BCAR3: variants seen among roughly 807,000 people sequenced by gnomAD.
The protein encoded by BCAR3 is breast cancer anti-estrogen resistance protein 3.
A neutral mutation model predicts 80.1 loss-of-function variants in BCAR3; 37 were observed. The ratio of observed to expected loss-of-function variants is 0.46; its 90% CI spans 0.36 to 0.61. BCAR3 has a LOEUF of 0.61. Ranked by LOEUF, BCAR3 falls within the 20% of genes least tolerant of loss-of-function variation. The probability of loss-of-function intolerance (pLI) is 0.00; values close to 1 mark genes in which losing one functional copy is unlikely to be tolerated. For missense variants in BCAR3, 978 were observed against 1,068.2 expected, an observed-to-expected ratio of 0.92 and a Z score of 1.18; for synonymous variants, 389 against 418.9, an observed-to-expected ratio of 0.93 and a Z score of 0.87.
intron 7 of BCAR3, among the ~76,000 whole-genome samples, chr1:93,578,544 C>T (rs1275236455): frequency 6.6e-6 from 1 of 152,192 alleles, no homozygotes; most frequent in Non-Finnish European, 1.5e-5. Flanking sequence ...CTGCAAGATG[C>T]TTTTGGTGTT....
chr1:93,816,348 C>T (rs1654014294), intron 2 of BCAR3, among the ~76,000 whole-genome samples: 1 of 152,132 alleles, frequency 6.6e-6, no homozygotes, highest in African/African-American at 2.4e-5. Context: ...GCTTTGCTTT[C>T]ATTGGTGAAT....
intron 1 of BCAR3, among the ~76,000 whole-genome samples, chr1:93,676,939 T>G (rs1648514539): frequency 6.6e-6 from 1 of 152,234 alleles, no homozygotes; most frequent in Non-Finnish European, 1.5e-5. Flanking sequence ...TACTTAGACT[T>G]CAAGATTGTC....
chr1:93,639,378 G>A (rs1038520297), intron 3 of BCAR3, among the ~76,000 whole-genome samples: 1 of 152,066 alleles, frequency 6.6e-6, no homozygotes, highest in Non-Finnish European at 1.5e-5. Context: ...CCAGACCCAA[G>A]GAGGCAGGAG....
intron 2 of BCAR3, among the ~76,000 whole-genome samples, chr1:93,804,615 G>A (rs1454734201): frequency 2.0e-5 from 3 of 152,144 alleles, no homozygotes; most frequent in Non-Finnish European, 4.4e-5. Context: ...GACAGAGTTG[G>A]CCAGCATGAG....
chr1:93,827,020 G>C (rs758877583), intron 2 of BCAR3, among the ~76,000 whole-genome samples: 1 of 152,174 alleles, frequency 6.6e-6, no homozygotes, highest in African/African-American at 2.4e-5. Context: ...GGCAGTGCCA[G>C]CTCCAGAAAG....
chr1:93,706,014 A>C lies in BCAR3; in HGVS notation c.-12+78T>G, dbSNP rs1363303950. 2.0e-5 allele frequency: 3 copies of C among 152,200 alleles called. No individual in the cohort carries two copies. In the East Asian group the frequency reaches 5.8e-4, roughly 29 times the overall value. The allele number at this position is 152,200 out of a possible 1,614,324, so 9.4% of individuals were successfully genotyped here. A position where few individuals can be genotyped will look rare whatever the true frequency, so the allele number is the denominator to read the frequency against. ...AGAAGTCACTTTGTAGGCTGGATCAACACCACCCCACAGCTCCAGCTGCAG... is the reference window on the plus strand; with the variant it reads ...AGAAGTCACTTTGTAGGCTGGATCACCACCACCCCACAGCTCCAGCTGCAG... On this transcript the variant is annotated intron_variant, in intron 3 of 13. Transcript: ENST00000370244.
At chr1:93,630,411 C>G (rs917663031) in intron 3 of BCAR3, among the ~76,000 whole-genome samples, 2 of 151,770 alleles carry the variant, frequency 1.3e-5, no homozygotes. Context: ...ATCACTTGAG[C>G]TCACAAGTTT....
chr1:93,815,026 C>CAG (rs1653967967), intron 2 of BCAR3, among the ~76,000 whole-genome samples: 1 of 152,198 alleles, frequency 6.6e-6, no homozygotes, highest in Admixed American at 6.5e-5. Flanking sequence ...TATGGAGCAC[C>CAG]AGGCACTGCG....
At chr1:93,638,516 G>A (rs1675870107) in intron 3 of BCAR3, among the ~76,000 whole-genome samples, 1 of 152,182 alleles carries the variant, frequency 6.6e-6, no homozygotes, top group African/African-American at 2.4e-5. Flanking sequence ...GCAGTATAGA[G>A]ATAAAATTCT....
intron 3 of BCAR3, among the ~76,000 whole-genome samples, chr1:93,688,803 T>G (rs1458449251): frequency 6.6e-6 from 1 of 151,146 alleles, no homozygotes; most frequent in African/African-American, 2.4e-5. Context: ...TGTTTGTTTG[T>G]TTTTTGTATT....
intron 5 of BCAR3, among the ~76,000 whole-genome samples, chr1:93,585,736 C>G (rs1673916075): frequency 1.3e-5 from 2 of 152,078 alleles, no homozygotes; most frequent in Non-Finnish European, 2.9e-5. Context: ...TGCAATTGCC[C>G]TGAGTTTTTT....
chr1:93,693,122 A>C (rs1649255443), intron 3 of BCAR3, among the ~76,000 whole-genome samples: 1 of 152,130 alleles, frequency 6.6e-6, no homozygotes, highest in Non-Finnish European at 1.5e-5. Context: ...CAGAACCCAC[A>C]TTTTAACAAG....
At chr1:93,687,304 T>A (rs1002526609) in intron 3 of BCAR3, among the ~76,000 whole-genome samples, 14 of 152,212 alleles carry the variant, frequency 9.2e-5, no homozygotes, top group Admixed American at 7.2e-4. Flanking sequence ...TTATTTTTAT[T>A]TTTATTTATA....
intron 3 of BCAR3, among the ~76,000 whole-genome samples, chr1:93,620,535 T>C (rs1247467937): frequency 2.6e-5 from 4 of 152,064 alleles, no homozygotes; most frequent in Non-Finnish European, 4.4e-5. Flanking sequence ...CCTCTGCCTA[T>C]GGGGCCTGGG....
At chr1:93,844,854 G>A (rs950252697) in intron 2 of BCAR3, among the ~76,000 whole-genome samples, 5 of 151,936 alleles carry the variant, frequency 3.3e-5, no homozygotes, top group African/African-American at 4.8e-5. Context: ...AATTACAGGC[G>A]TGAGTCACTG....
At chr1:93,764,650 A>G (rs1652078546) in intron 2 of BCAR3, among the ~76,000 whole-genome samples, 1 of 152,040 alleles carries the variant, frequency 6.6e-6, no homozygotes, top group Admixed American at 6.5e-5. Flanking sequence ...CTGGCTCCCC[A>G]TGACACCAAG....
At chr1:93,603,562 C>A (rs926791831) in intron 3 of BCAR3, among the ~76,000 whole-genome samples, 5 of 152,248 alleles carry the variant, frequency 3.3e-5, no homozygotes, top group African/African-American at 1.2e-4. Flanking sequence ...CAAATTCTCT[C>A]ATTAAAGCTC....
At chr1:93,698,129 G>T (rs568011199) in intron 3 of BCAR3, among the ~76,000 whole-genome samples, 3 of 152,354 alleles carry the variant, frequency 2.0e-5, no homozygotes, top group Admixed American at 1.3e-4. Context: ...GGAGGCAGCA[G>T]CGGAAGCAGG....
intron 2 of BCAR3, among the ~76,000 whole-genome samples, chr1:93,720,474 T>C (rs1232015733): frequency 3.9e-5 from 6 of 152,088 alleles, no homozygotes; most frequent in Non-Finnish European, 8.8e-5. Flanking sequence ...TGCAGGAGCA[T>C]TCAGTAGAGG....
Sources: gnomAD v4.1 joint callset for allele counts (sites outside exome capture counted in the v4.1 genomes callset) on GRCh38, gnomAD v4.1.1 for gene constraint, MANE v1.5 for transcripts, NCBI Gene and HGNC (gene_info 2026-07-23, HGNC 2026-07-21) for gene names.